TOGARAM2: variants seen among roughly 807,000 people sequenced by gnomAD.
The protein encoded by TOGARAM2 is TOG array regulator of axonemal microtubules 2.
Under a neutral mutation model 93.3 loss-of-function variants are expected in TOGARAM2, and 85 were observed. The observed-to-expected ratio is 0.91, with a 90% CI of 0.76 to 1.09. The LOEUF is 1.09. Among genes scored for constraint, TOGARAM2 ranks in the 50% least tolerant of loss-of-function variants. TOGARAM2 has a pLI of 0.00. For synonymous variants in TOGARAM2, 593 were observed against 552.8 expected (o/e 1.07, Z -1.02); for missense variants, 1,277 against 1,334.5 (o/e 0.96, Z 0.67).
chr2:28,980,215 TA>T (rs1672126378), upstream of TOGARAM2, among the ~76,000 whole-genome samples: 1 of 152,198 alleles, frequency 6.6e-6, no homozygotes, highest in South Asian at 2.1e-4. Flanking sequence ...TTCTCAGTCA[TA>T]ATTGGCTGGC....
At chr2:29,026,597 T>C (rs954189512) in intron 13 of TOGARAM2, among the ~76,000 whole-genome samples, 8 of 152,208 alleles carry the variant, frequency 5.3e-5, no homozygotes, top group African/African-American at 1.9e-4. Flanking sequence ...AAGAACGGTA[T>C]GCATACGGTG....
chr2:29,037,796 A>G (rs1666207135), intron 18 of TOGARAM2, among the ~76,000 whole-genome samples: 1 of 152,264 alleles, frequency 6.6e-6, no homozygotes, highest in Non-Finnish European at 1.5e-5. Flanking sequence ...TAGAACAAAC[A>G]ATATAAATCC....
At position 29,002,905 on chromosome 2, in the gene TOGARAM2, G is replaced by A. The variant is rs36030782; in HGVS notation, c.639+158G>A. Among the ~76,000 whole-genome samples the A allele has an allele frequency of 5.0e-3, 765 of 152,300 alleles. 5 individuals carry two copies. Among genetic ancestry groups the A allele is most frequent in the Non-Finnish European group, 8.3e-3 (568 of 68,026 alleles). Reference sequence around the variant, plus strand: ...TGAGGATAGGGACAGCACTGGGAGAGGCTCAAGGTGCTCATTTCACCACCT... The same window carrying A: ...TGAGGATAGGGACAGCACTGGGAGAAGCTCAAGGTGCTCATTTCACCACCT... On this transcript the variant is annotated intron_variant, in intron 5 of 19. Coordinates refer to ENST00000379558, the MANE Select transcript of TOGARAM2 (RefSeq NM_199280.4).
At chr2:29,030,207 C>T (rs1665682333) in intron 14 of TOGARAM2, among the ~76,000 whole-genome samples, 1 of 152,140 alleles carries the variant, frequency 6.6e-6, no homozygotes, top group Non-Finnish European at 1.5e-5. Context: ...GGCCAGGAGG[C>T]ACTGGTTGCG....
chr2:28,962,476 C>T (rs2148214292), intron 1 of TOGARAM2, among the ~76,000 whole-genome samples: 1 of 152,168 alleles, frequency 6.6e-6, no homozygotes, highest in East Asian at 1.9e-4. Flanking sequence ...GCCCAGCCTA[C>T]ATATTTACTC....
At chr2:29,002,388 C>A in intron 4 of TOGARAM2, 148 bp from the exon 5 acceptor site, 2 of 667,898 alleles carry the variant, frequency 3.0e-6, no homozygotes, top group Non-Finnish European at 5.1e-6. Flanking sequence ...CTCAGTCTAC[C>A]AGTGGTGGGG....
chr2:29,010,026 CAGG>C (rs2148318557), intron 6 of TOGARAM2, among the ~76,000 whole-genome samples: 1 of 63,532 alleles, frequency 1.6e-5, no homozygotes, highest in African/African-American at 5.1e-5. Context: ...TTGCTCAGAG[CAGG>C]TGTGTGTGTG....
intron 4 of TOGARAM2, among the ~76,000 whole-genome samples, chr2:29,000,179 C>CT (rs1673211792): frequency 6.6e-6 from 1 of 152,098 alleles, no homozygotes. Context: ...TTGTCAGCTC[C>CT]AAGAGGGCAG....
rs148309516 is a variant in TOGARAM2 at position 28,957,369 on chromosome 2, C to T, written c.-147+672C>T. On this transcript the variant is annotated intron_variant, in intron 1 of 6. Coordinates refer to the TOGARAM2 transcript ENST00000401723. ...CTCATTTTTGTATTTTTAGTAGAGA[C>T]GGGGTTTCGCCATGTTGGCCAGGCT... is the stretch of plus-strand genomic sequence containing the variant. 5.4e-3 allele frequency among the ~76,000 whole-genome samples: 821 copies of T among 152,062 alleles called. 6 individuals are homozygous for T. Among genetic ancestry groups the T allele is most frequent in the African/African-American group, 0.019 (784 of 41,482 alleles).
At chr2:28,969,713 T>C (rs1352792653) in intron 1 of TOGARAM2, among the ~76,000 whole-genome samples, 1 of 152,130 alleles carries the variant, frequency 6.6e-6, no homozygotes, top group Non-Finnish European at 1.5e-5. Flanking sequence ...AGATAACTCT[T>C]ATAAGTAACA....
intron 18 of TOGARAM2, among the ~76,000 whole-genome samples, chr2:29,042,298 GCATTTATTCAGCAC>G (rs1165882102): frequency 1.3e-5 from 2 of 152,260 alleles, no homozygotes; most frequent in Non-Finnish European, 2.9e-5. Context: ...GCAGCTACAA[GCATTTATTCAGCAC>G]CTGCAGTGTG....
intron 6 of TOGARAM2, among the ~76,000 whole-genome samples, chr2:29,008,639 T>C (rs552279544): frequency 5.9e-5 from 9 of 152,270 alleles, no homozygotes; most frequent in Non-Finnish European, 1.2e-4. Context: ...GTATTTTTAG[T>C]AGAGCTGGGC....
intron 14 of TOGARAM2, among the ~76,000 whole-genome samples, chr2:29,027,715 T>TG (rs1236809132): frequency 6.6e-6 from 1 of 151,790 alleles, no homozygotes; most frequent in African/African-American, 2.4e-5. Context: ...ATGGAGTTGG[T>TG]GGGGGGGCTG....
intron 3 of TOGARAM2, 117 bp downstream of exon 3, chr2:28,998,370 G>A (rs1005974762): frequency 3.0e-6 from 2 of 669,690 alleles, no homozygotes; most frequent in African/African-American, 3.7e-5. Context: ...TTTTCCTGTG[G>A]CTCCTGCTGA....
intron 10 of TOGARAM2, among the ~76,000 whole-genome samples, chr2:29,021,509 A>G (rs1361350829): frequency 6.6e-6 from 1 of 152,130 alleles, no homozygotes; most frequent in Non-Finnish European, 1.5e-5. Flanking sequence ...TTCCTGTCCT[A>G]GGAGTTTATG....
chr2:29,048,658 C>T (rs993809047), intron 19 of TOGARAM2: 2 of 148,858 alleles, frequency 1.3e-5, no homozygotes, highest in African/African-American at 2.5e-5. Context: ...CATGTTGTAG[C>T]GGGTGTCAGA....
chr2:29,003,487 C>T lies in TOGARAM2; in HGVS notation c.640-5C>T. ...GCCAGACCCCTGTCCCGCCTCTGCT[C>T]CCAGGCGCAGATCTCCTGGCAATAC... On this transcript the variant is annotated splice_polypyrimidine_tract_variant and splice_region_variant and intron_variant, in intron 5 of 19. Transcript: ENST00000379558. 6.6e-7 allele frequency: 1 copy of T among 1,514,430 alleles called. No homozygotes were observed. The highest frequency in any genetic ancestry group is 8.9e-7 in the Non-Finnish European group (1 of 1,129,612). 93.8% of individuals were successfully genotyped at this position (1,514,430 alleles called of 1,614,324 possible). A position where few individuals can be genotyped will look rare whatever the true frequency, so the allele number is the denominator to read the frequency against.
intron 6 of TOGARAM2, among the ~76,000 whole-genome samples, chr2:29,005,408 T>A (rs116216979): frequency 2.2e-5 from 1 of 45,794 alleles, no homozygotes; most frequent in South Asian, 5.8e-4. Flanking sequence ...GGAGTGTGTG[T>A]GTGCGTGTGT....
At chr2:28,986,425 G>T (rs758544326) in intron 1 of TOGARAM2, among the ~76,000 whole-genome samples, 1 of 152,176 alleles carries the variant, frequency 6.6e-6, no homozygotes, top group Middle Eastern at 3.2e-3. Flanking sequence ...CCTCGGCTGC[G>T]TTGGGCATAA....
Sources: allele counts gnomAD v4.1 joint callset (sites outside exome capture counted in the v4.1 genomes callset), GRCh38; gene constraint gnomAD v4.1.1; transcripts MANE v1.5; gene names NCBI Gene and HGNC (gene_info 2026-07-23, HGNC 2026-07-21).